ARMH4: variants seen among roughly 807,000 people sequenced by gnomAD.
ARMH4 encodes the protein armadillo-like helical domain-containing protein 4.
A neutral mutation model predicts 61.9 loss-of-function variants in ARMH4; 49 were observed. That is an observed-to-expected ratio of 0.79 (90% CI 0.63 to 1.00). ARMH4 has a LOEUF of 1.00. Among genes scored for constraint, ARMH4 ranks in the 50% least tolerant of loss-of-function variants. ARMH4 has a pLI of 0.00. For synonymous variants in ARMH4, 368 were observed against 341.5 expected (o/e 1.08, Z -0.85); for missense variants, 934 against 930.0 (o/e 1.00, Z -0.06).
intron 5 of ARMH4, among the ~76,000 whole-genome samples, chr14:58,022,223 A>G (rs959794778): frequency 6.8e-6 from 1 of 147,730 alleles, no homozygotes; most frequent in Non-Finnish European, 1.5e-5. Flanking sequence ...AACGTCTTCA[A>G]CTCTCTCTCT....
chr14:58,109,996 C>A (rs1043817208), intron 4 of ARMH4, among the ~76,000 whole-genome samples: 3 of 152,148 alleles, frequency 2.0e-5, no homozygotes, highest in African/African-American at 7.2e-5. Flanking sequence ...ACCATCAGAT[C>A]TCATGAGAAC....
chr14:58,049,761 T>G (rs1283109868), intron 5 of ARMH4, among the ~76,000 whole-genome samples: 1 of 152,196 alleles, frequency 6.6e-6, no homozygotes, highest in Non-Finnish European at 1.5e-5. Context: ...GAACTTTTAC[T>G]GCTACTGAAA....
intron 4 of ARMH4, among the ~76,000 whole-genome samples, chr14:58,112,772 T>C (rs1043612255): frequency 6.6e-6 from 1 of 152,168 alleles, no homozygotes; most frequent in African/African-American, 2.4e-5. Flanking sequence ...CGTTAATTTC[T>C]CTTAATTCAT....
At chr14:58,117,137 A>ACTC (rs1397937451) in intron 4 of ARMH4, among the ~76,000 whole-genome samples, 8 of 152,054 alleles carry the variant, frequency 5.3e-5, no homozygotes, top group African/African-American at 1.9e-4. Flanking sequence ...TCATTAAATA[A>ACTC]CTCACTTATG....
chr14:58,033,861 TA>T (rs1386446754), intron 5 of ARMH4, among the ~76,000 whole-genome samples: 1 of 34,212 alleles, frequency 2.9e-5, no homozygotes, highest in African/African-American at 9.5e-5. Flanking sequence ...GAAAAAAGAA[TA>T]AAAAGAAATG....
intron 5 of ARMH4, among the ~76,000 whole-genome samples, chr14:58,039,163 A>G (rs1883595681): frequency 6.6e-6 from 1 of 152,204 alleles, no homozygotes; most frequent in Non-Finnish European, 1.5e-5. Flanking sequence ...GCAGCCTGGC[A>G]AAAACATTCT....
At position 58,045,377 on chromosome 14, in the gene ARMH4, T is replaced by C. The variant is rs568324785; in HGVS notation, c.2090-33227A>G. 8.6e-5 allele frequency among the ~76,000 whole-genome samples: 13 copies of C among 151,866 alleles called. No homozygotes were observed. In the South Asian group the frequency reaches 2.5e-3, roughly 29 times the overall value. On this transcript the variant is annotated intron_variant, in intron 5 of 7. Coordinates refer to ENST00000267485, the MANE Select transcript of ARMH4 (RefSeq NM_001001872.4). ...TATCGCAAGGACAAAAAACCAAACA[T>C]CACATGTTCTCACTCATAGGTGGGA... is the stretch of plus-strand genomic sequence containing the variant.
At chr14:58,042,723 G>A (rs1391471759) in intron 5 of ARMH4, among the ~76,000 whole-genome samples, 2 of 152,040 alleles carry the variant, frequency 1.3e-5, no homozygotes, top group Admixed American at 1.3e-4. Flanking sequence ...ATAAAAGAGA[G>A]AAGAATCAAA....
At chr14:58,125,704 G>A (rs531636430) in intron 4 of ARMH4, among the ~76,000 whole-genome samples, 17 of 152,210 alleles carry the variant, frequency 1.1e-4, no homozygotes, top group East Asian at 5.8e-4. Flanking sequence ...CACTCCTCCC[G>A]AGGAAATCTC....
intron 5 of ARMH4, among the ~76,000 whole-genome samples, chr14:58,049,274 G>A (rs572473565): frequency 5.3e-5 from 8 of 151,004 alleles, no homozygotes; most frequent in Non-Finnish European, 1.2e-4. Context: ...AAGAAAAACT[G>A]TGCCACAGAA....
intron 5 of ARMH4, 129 bp downstream of exon 5, chr14:58,096,595 G>A (rs1885757430): frequency 1.9e-6 from 2 of 1,039,642 alleles, no homozygotes; most frequent in Non-Finnish European, 2.7e-6. Flanking sequence ...ACCCATAAAT[G>A]TAGAAACCAC....
At chr14:58,061,829 A>G (rs1884540412) in intron 5 of ARMH4, among the ~76,000 whole-genome samples, 1 of 152,260 alleles carries the variant, frequency 6.6e-6, no homozygotes, top group South Asian at 2.1e-4. Flanking sequence ...CCTACGAGGC[A>G]GCCTTCAACT....
At chr14:58,150,070 A>G (rs1887872753) in intron 1 of ARMH4, among the ~76,000 whole-genome samples, 1 of 152,216 alleles carries the variant, frequency 6.6e-6, no homozygotes, top group African/African-American at 2.4e-5. Context: ...ATCTTGATCA[A>G]CAAACTCTTC....
At chr14:58,009,672 A>G (rs11626754) in intron 6 of ARMH4, among the ~76,000 whole-genome samples, 36,583 of 151,792 alleles carry the variant, frequency 0.24, 4,854 homozygotes, top group East Asian at 0.56. Flanking sequence ...TTAATTTGGC[A>G]TAGTGGTGCA....
chr14:58,149,627 T>G (rs1887859569), intron 1 of ARMH4, among the ~76,000 whole-genome samples: 1 of 152,230 alleles, frequency 6.6e-6, no homozygotes, highest in Non-Finnish European at 1.5e-5. Context: ...TCCGTGCTTA[T>G]CACCCCTAGC....
chr14:58,041,135 C>A (rs920438126), intron 5 of ARMH4, among the ~76,000 whole-genome samples: 1 of 152,148 alleles, frequency 6.6e-6, no homozygotes, highest in African/African-American at 2.4e-5. Context: ...GGGTGCAGCA[C>A]ACTGAGCATG....
At chr14:58,007,338 AATTTAT>A (rs1400699365) in intron 6 of ARMH4, among the ~76,000 whole-genome samples, 3 of 152,174 alleles carry the variant, frequency 2.0e-5, no homozygotes, top group Non-Finnish European at 2.9e-5. Flanking sequence ...TATTTTTTCA[AATTTAT>A]ATTTATATTT....
intron 5 of ARMH4, among the ~76,000 whole-genome samples, chr14:58,031,759 A>G (rs1883240016): frequency 6.6e-6 from 1 of 152,220 alleles, no homozygotes. Flanking sequence ...GAAATCTTCA[A>G]CAGAAATCAG....
At chr14:58,100,573 T>C (rs530948358) in intron 4 of ARMH4, among the ~76,000 whole-genome samples, 7 of 152,186 alleles carry the variant, frequency 4.6e-5, no homozygotes, top group African/African-American at 1.2e-4. Context: ...TAAAGAGAAG[T>C]TGAAAAAGAG....
Sources: allele counts gnomAD v4.1 joint callset (sites outside exome capture counted in the v4.1 genomes callset), GRCh38; gene constraint gnomAD v4.1.1; transcripts MANE v1.5; gene names NCBI Gene and HGNC (gene_info 2026-07-23, HGNC 2026-07-21).